Variants in PTPN12 observed in about 807,000 individuals in gnomAD.
The protein encoded by PTPN12 is protein tyrosine phosphatase non-receptor type 12.
PTPN12 carries 29 observed loss-of-function variants against 97.6 expected under a neutral mutation model. That is an observed-to-expected ratio of 0.30 (90% CI 0.22 to 0.41). The LOEUF is 0.41. Among genes scored for constraint, PTPN12 ranks in the 10% least tolerant of loss-of-function variants. The pLI is 1.00. For missense variants in PTPN12, 819 were observed against 926.0 expected, an observed-to-expected ratio of 0.88 and a Z score of 1.50; for synonymous variants, 327 against 300.4, an observed-to-expected ratio of 1.09 and a Z score of -0.91.
chr7:77,538,153 C>T, intron 1 of PTPN12: 1 of 973,744 alleles, frequency 1.0e-6, no homozygotes, highest in Admixed American at 6.1e-5. Context: ...GGTCTCAAAG[C>T]GGGCAGGGTA....
intron 4 of PTPN12, 131 bp from the exon 5 acceptor site, chr7:77,585,412 T>C (rs966910832): frequency 1.5e-6 from 1 of 678,480 alleles, no homozygotes; most frequent in South Asian, 2.0e-5. Flanking sequence ...ACATTTAATA[T>C]TGAAACTACT....
intron 1 of PTPN12, among the ~76,000 whole-genome samples, chr7:77,539,526 T>C (rs1050413458): frequency 6.6e-6 from 1 of 152,240 alleles, no homozygotes; most frequent in Admixed American, 6.5e-5. Context: ...ATGGAGTCCC[T>C]TTTTTACTAC....
chr7:77,568,648 G>A (rs1256089363), intron 1 of PTPN12, among the ~76,000 whole-genome samples: 1 of 152,164 alleles, frequency 6.6e-6, no homozygotes, highest in Admixed American at 6.5e-5. Context: ...GTCTGTGAAT[G>A]AGTGAATGAA....
In PTPN12 at chr7:77,639,945, A is replaced by G. The variant is rs1391564081; in HGVS notation, c.*665A>G. ...CAGTAAGTGCCTTGGAACAATATTG[A>G]ATTCTCTTAGCTTGTGTGTGTTTCT... On this transcript the variant is annotated 3_prime_UTR_variant, in exon 18 of 18. Transcript: ENST00000248594. The G allele has an allele frequency of 6.6e-6, 1 of 152,472 alleles. No individual in the cohort carries two copies. The highest frequency in any genetic ancestry group is 1.5e-5 in the Non-Finnish European group (1 of 68,006). 9.4% of individuals were successfully genotyped at this position (152,472 alleles called of 1,614,324 possible).
In PTPN12 at chr7:77,597,951, G is replaced by A. The variant is rs115771313; in HGVS notation, c.552+50G>A. On this transcript the variant is annotated intron_variant, in intron 7 of 17. Coordinates refer to ENST00000248594, the MANE Select transcript of PTPN12 (RefSeq NM_002835.4). ...ATCTGTAAGAATAGTTTTCAGGCTGGGTGCAGTGGCTCATGCCTGTAATCC... is the reference window on the plus strand; with the variant it reads ...ATCTGTAAGAATAGTTTTCAGGCTGAGTGCAGTGGCTCATGCCTGTAATCC... 941 of 1,592,140 alleles carry A rather than the reference G, an allele frequency of 5.9e-4. 3 individuals are homozygous for A. The African/African-American group carries it at 0.01, about 18-fold the overall frequency.
chr7:77,578,881 G>A (rs1341354403), intron 2 of PTPN12, among the ~76,000 whole-genome samples: 1 of 151,972 alleles, frequency 6.6e-6, no homozygotes, highest in Non-Finnish European at 1.5e-5. Context: ...AACTATAAAA[G>A]GGAAAGGCAG....
chr7:77,582,582 G>A (rs1584143174), intron 3 of PTPN12, among the ~76,000 whole-genome samples: 1 of 151,966 alleles, frequency 6.6e-6, no homozygotes, highest in South Asian at 2.1e-4. Flanking sequence ...TCAGGAGTTC[G>A]AGACCAGCCT....
At chr7:77,578,123 AC>A (rs1488519752) in intron 2 of PTPN12, among the ~76,000 whole-genome samples, 9 of 152,296 alleles carry the variant, frequency 5.9e-5, no homozygotes, top group African/African-American at 1.7e-4. Context: ...GTCACCAGAA[AC>A]TTTACTGAGG....
At chr7:77,575,370 C>G (rs777100970) in intron 2 of PTPN12, among the ~76,000 whole-genome samples, 10 of 151,972 alleles carry the variant, frequency 6.6e-5, no homozygotes, top group Non-Finnish European at 1.3e-4. Flanking sequence ...CTTTCTCTCT[C>G]TCGTGTGTAC....
chr7:77,580,822 T>A (rs1285126903), intron 2 of PTPN12, among the ~76,000 whole-genome samples: 1 of 152,180 alleles, frequency 6.6e-6, no homozygotes, highest in Non-Finnish European at 1.5e-5. Context: ...GAAAGTTACA[T>A]TTTTTAAATA....
chr7:77,567,786 A>G (rs1055995787), intron 1 of PTPN12, among the ~76,000 whole-genome samples: 3 of 152,244 alleles, frequency 2.0e-5, no homozygotes, highest in African/African-American at 7.2e-5. Flanking sequence ...ACATTTAAAG[A>G]GTTCCAGTAA....
At chr7:77,625,524 A>ACTCT (rs753369979) in intron 12 of PTPN12, among the ~76,000 whole-genome samples, 2 of 17,020 alleles carry the variant, frequency 1.2e-4, no homozygotes, top group East Asian at 2.1e-3. Context: ...TCTCTCTCTC[A>ACTCT]CTCTCACTCT....
chr7:77,593,671 A>G (rs1466483808), intron 6 of PTPN12, among the ~76,000 whole-genome samples: 2 of 152,378 alleles, frequency 1.3e-5, no homozygotes, highest in Non-Finnish European at 1.5e-5. Context: ...GAGGCCCAAC[A>G]ACATTATGGA....
intron 7 of PTPN12, 136 bp downstream of exon 7, chr7:77,598,037 G>C (rs1233449059): frequency 8.6e-7 from 1 of 1,165,662 alleles, no homozygotes; most frequent in Non-Finnish European, 1.1e-6. Flanking sequence ...AGACTAGCCT[G>C]GGCAACATAG....
At chr7:77,541,016 C>T (rs1806947420) in intron 1 of PTPN12, among the ~76,000 whole-genome samples, 1 of 152,208 alleles carries the variant, frequency 6.6e-6, no homozygotes. Context: ...GCTCTTTTCG[C>T]TCTATCCAGC....
intron 8 of PTPN12, among the ~76,000 whole-genome samples, chr7:77,604,655 T>A (rs1788302114): frequency 6.6e-6 from 1 of 152,142 alleles, no homozygotes; most frequent in South Asian, 2.1e-4. Context: ...TTTGAATGGT[T>A]TTTGTCCATT....
At chr7:77,615,248 T>G (rs1242839183) in intron 11 of PTPN12, among the ~76,000 whole-genome samples, 1 of 152,214 alleles carries the variant, frequency 6.6e-6, no homozygotes, top group Non-Finnish European at 1.5e-5. Context: ...TTAGATGTGA[T>G]AATGAATTCT....
In PTPN12 at chr7:77,553,819, A is replaced by C. The variant is rs368750530; in HGVS notation, c.99+16174A>C. ...TGGATTAATGTCTACCATATTTGCC[A>C]CTATTTTCTGTTGTCATTGTTCTTT... On this transcript the variant is annotated intron_variant, in intron 1 of 17. Coordinates refer to ENST00000248594, the MANE Select transcript of PTPN12 (RefSeq NM_002835.4). Among the ~76,000 whole-genome samples the C allele has an allele frequency of 4.7e-5, 7 of 149,352 alleles. 1 individual carries two copies. The South Asian group carries it at 6.3e-4, about 13-fold the overall frequency.
Position 77,537,400 on chromosome 7 carries a change from TG to T in PTPN12, c.-143del. On this transcript the variant is annotated 5_prime_UTR_variant, in exon 1 of 18. Coordinates refer to ENST00000248594, the MANE Select transcript of PTPN12 (RefSeq NM_002835.4). ...CCGCCGCAGCCGCCGCCTAGGGCGG[TG>T]GGGAGGAGGAGGGAGCCGCGGGGCT... 1.1e-6 allele frequency: 1 copy of T among 903,528 alleles called. No individual in the cohort carries two copies. The highest frequency in any genetic ancestry group is 1.4e-6 in the Non-Finnish European group (1 of 737,582). The allele number at this position is 903,528 out of a possible 1,614,324, so 56.0% of individuals were successfully genotyped here. A position where few individuals can be genotyped will look rare whatever the true frequency, so the allele number is the denominator to read the frequency against.
Sources: allele counts gnomAD v4.1 joint callset (sites outside exome capture counted in the v4.1 genomes callset), GRCh38; gene constraint gnomAD v4.1.1; transcripts MANE v1.5; gene names NCBI Gene and HGNC (gene_info 2026-07-23, HGNC 2026-07-21).